CDH20: variants seen among roughly 807,000 people sequenced by gnomAD.
CDH20 encodes the protein cadherin 20, also known as cadherin-20.
CDH20 carries 29 observed loss-of-function variants against 74.2 expected under a neutral mutation model. The observed-to-expected ratio is 0.39, with a 90% CI of 0.29 to 0.53. CDH20 has a LOEUF of 0.53. Ranked by LOEUF, CDH20 falls within the 20% of genes least tolerant of loss-of-function variation. The probability of loss-of-function intolerance (pLI) is 0.69; values close to 1 mark genes in which losing one functional copy is unlikely to be tolerated. For missense variants in CDH20, 988 were observed against 1,048.3 expected (o/e 0.94, Z 0.79); for synonymous variants, 469 against 405.4 (o/e 1.16, Z -1.88).
At chr18:61,477,088 A>G (rs1173191279) in intron 1 of CDH20, among the ~76,000 whole-genome samples, 1 of 152,194 alleles carries the variant, frequency 6.6e-6, no homozygotes, top group Non-Finnish European at 1.5e-5. Flanking sequence ...ACAGCCTCGG[A>G]AAATGAGGAC....
intron 7 of CDH20, among the ~76,000 whole-genome samples, chr18:61,530,517 A>T (rs531745081): frequency 6.6e-6 from 1 of 152,356 alleles, no homozygotes; most frequent in African/African-American, 2.4e-5. Context: ...AATTCAAAAA[A>T]TCAACACATC....
In CDH20 at chr18:61,470,953, G is replaced by T. The variant is rs565176496; in HGVS notation, c.-152-19449G>T. On this transcript the variant is annotated intron_variant, in intron 1 of 11. Coordinates refer to ENST00000262717, the MANE Select transcript of CDH20 (RefSeq NM_031891.4). The stretch of plus-strand genomic sequence containing the variant: ...TTAATTCAACCAAATGAAACTGTTG[G>T]AATGAAATACCACCAAGACGCATTC... Among the ~76,000 whole-genome samples, 3 of 151,844 alleles carry T rather than the reference G, an allele frequency of 2.0e-5. No homozygotes were observed. In the East Asian group the frequency reaches 5.8e-4, roughly 29 times the overall value.
intron 1 of CDH20, among the ~76,000 whole-genome samples, chr18:61,358,371 C>T (rs961801329): frequency 2.8e-4 from 43 of 152,138 alleles, no homozygotes; most frequent in African/African-American, 9.7e-4. Flanking sequence ...CCTCCCACCT[C>T]GGCCTCCCAG....
intron 1 of CDH20, among the ~76,000 whole-genome samples, chr18:61,348,199 G>A (rs1910194820): frequency 1.3e-5 from 2 of 152,108 alleles, no homozygotes; most frequent in African/African-American, 2.4e-5. Flanking sequence ...CTTATTCTTA[G>A]GAACTGTTTC....
intron 7 of CDH20, 115 bp downstream of exon 7, chr18:61,528,335 T>C: frequency 9.2e-7 from 1 of 1,090,656 alleles, no homozygotes; most frequent in Non-Finnish European, 1.3e-6. Flanking sequence ...TTCTGGAGAC[T>C]CTCCTCTTTG....
At chr18:61,503,377 G>C (rs886166499) in intron 5 of CDH20, among the ~76,000 whole-genome samples, 1 of 152,078 alleles carries the variant, frequency 6.6e-6, no homozygotes. Flanking sequence ...TTTCTTTCCT[G>C]ATTGCCACGC....
rs1913588569 is a variant in CDH20 at position 61,555,164 on chromosome 18, G to A, written c.*469G>A. The A allele has an allele frequency of 2.0e-6, 2 of 990,602 alleles. No homozygotes were observed. Among genetic ancestry groups the A allele is most frequent in the Non-Finnish European group, 2.4e-6 (2 of 833,568 alleles). The allele number at this position is 990,602 out of a possible 1,614,324, so 61.4% of individuals were successfully genotyped here. On this transcript the variant is annotated 3_prime_UTR_variant, in exon 12 of 12. Transcript: ENST00000262717. ...TCAAACCACAGAAACCAACCCACAA[G>A]AAAGAACAAAAAACTTGTTACTCAG...
At position 61,347,443 on chromosome 18, in the gene CDH20, T is replaced by C. The variant is rs147774192; in HGVS notation, c.-153+13616T>C. Reference sequence around the variant, plus strand: ...GCTGAGGCATGAGAATCACTTGAACTTGGGAGGTGGAGGTTGCAGTGAGCC... The same window carrying C: ...GCTGAGGCATGAGAATCACTTGAACCTGGGAGGTGGAGGTTGCAGTGAGCC... On this transcript the variant is annotated intron_variant, in intron 1 of 11. Transcript: ENST00000262717. Among the ~76,000 whole-genome samples the C allele has an allele frequency of 9.0e-3, 1,353 of 149,552 alleles. 19 individuals carry two copies. Among genetic ancestry groups the C allele is most frequent in the African/African-American group, 0.032 (1,296 of 40,364 alleles).
intron 1 of CDH20, among the ~76,000 whole-genome samples, chr18:61,441,422 T>C (rs1301979266): frequency 3.3e-5 from 5 of 152,224 alleles, no homozygotes; most frequent in African/African-American, 1.2e-4. Flanking sequence ...TAAAACATTC[T>C]GATGAATCAA....
chr18:61,539,008 C>A lies in CDH20; in HGVS notation c.1409-16C>A. On this transcript the variant is annotated splice_polypyrimidine_tract_variant and intron_variant, in intron 8 of 11. Transcript: ENST00000262717. ...TACTAAACTCTCAGATTTGGTTTTC[C>A]TTGTGTTCCCTTTAGACAATCCCTC... The A allele has an allele frequency of 6.2e-7, 1 of 1,608,606 alleles. No homozygotes were observed. Among genetic ancestry groups the A allele is most frequent in the South Asian group, 1.1e-5 (1 of 89,398 alleles).
chr18:61,490,341 T>TG (rs1239155328), intron 1 of CDH20, 61 bp from the exon 2 acceptor site: 1 of 516,654 alleles, frequency 1.9e-6, no homozygotes, highest in Non-Finnish European at 3.4e-6. Flanking sequence ...CTTGAAAACT[T>TG]GCAACCCGCC....
At chr18:61,524,818 G>A (rs1408999812) in intron 6 of CDH20, among the ~76,000 whole-genome samples, 1 of 152,168 alleles carries the variant, frequency 6.6e-6, no homozygotes, top group African/African-American at 2.4e-5. Flanking sequence ...CTACTTGGGA[G>A]GCTGAGGCAG....
chr18:61,432,699 C>A (rs772414368), intron 1 of CDH20, among the ~76,000 whole-genome samples: 6 of 152,190 alleles, frequency 3.9e-5, no homozygotes, highest in Non-Finnish European at 4.4e-5. Context: ...CAGAGCTGTG[C>A]ACACACAGTC....
At chr18:61,443,244 T>C (rs978121617) in intron 1 of CDH20, among the ~76,000 whole-genome samples, 2 of 151,850 alleles carry the variant, frequency 1.3e-5, no homozygotes, top group Non-Finnish European at 2.9e-5. Flanking sequence ...ACAGCATAAA[T>C]GAAAAAACTG....
At chr18:61,397,052 C>G (rs1912006637) in intron 1 of CDH20, among the ~76,000 whole-genome samples, 1 of 152,140 alleles carries the variant, frequency 6.6e-6, no homozygotes, top group Non-Finnish European at 1.5e-5. Context: ...ATCCAAGACC[C>G]AAATATAACG....
intron 6 of CDH20, among the ~76,000 whole-genome samples, chr18:61,517,362 T>C (rs2144350745): frequency 6.6e-6 from 1 of 152,264 alleles, no homozygotes; most frequent in South Asian, 2.1e-4. Flanking sequence ...AGGCAGGTGA[T>C]TTCTGCATTT....
At position 61,550,759 on chromosome 18, in the gene CDH20, C is replaced by T. The variant is rs140229283; in HGVS notation, c.1900+530C>T. ...CTGCCTTTCTCCTAAATGCTCATCC[C>T]GATTCTGGAGGTGGTATTACAGGAA... On this transcript the variant is annotated intron_variant, in intron 11 of 11. Transcript: ENST00000262717. Among the ~76,000 whole-genome samples, 641 of 152,230 alleles carry T rather than the reference C, an allele frequency of 4.2e-3. 6 individuals are homozygous for T. Among genetic ancestry groups the T allele is most frequent in the African/African-American group, 0.015 (604 of 41,550 alleles).
intron 1 of CDH20, among the ~76,000 whole-genome samples, chr18:61,346,131 T>C (rs142860398): frequency 1.3e-5 from 2 of 152,248 alleles, no homozygotes; most frequent in African/African-American, 4.8e-5. Context: ...GGTATTTGAA[T>C]AACTAGGACA....
intron 1 of CDH20, among the ~76,000 whole-genome samples, chr18:61,358,688 T>C (rs1910582695): frequency 6.6e-6 from 1 of 152,202 alleles, no homozygotes; most frequent in Non-Finnish European, 1.5e-5. Context: ...TACCCATTTT[T>C]GACTCTGAAA....
Sources: gnomAD v4.1 joint callset for allele counts (sites outside exome capture counted in the v4.1 genomes callset) on GRCh38, gnomAD v4.1.1 for gene constraint, MANE v1.5 for transcripts, NCBI Gene and HGNC (gene_info 2026-07-23, HGNC 2026-07-21) for gene names.